Variants in CDH17 observed in about 807,000 individuals in gnomAD.
CDH17 encodes cadherin-17.
Under a neutral mutation model 86.3 loss-of-function variants are expected in CDH17, and 67 were observed. The ratio of observed to expected loss-of-function variants is 0.78; its 90% confidence interval spans 0.64 to 0.95. CDH17 has a LOEUF of 0.95. Among genes scored for constraint, CDH17 ranks in the 40% least tolerant of loss-of-function variants. CDH17 has a pLI of 0.00. For missense variants in CDH17, 993 were observed against 1,017.6 expected (o/e 0.98, Z 0.33); for synonymous variants, 367 against 366.4 (o/e 1.00, Z -0.02).
chr8:94,165,848 A>G lies in CDH17; in HGVS notation c.1195T>C (p.Tyr399His). Residue 399 changes from tyrosine to histidine, a missense_variant, in exon 10 of 18, where the codon TAT (tyrosine) becomes CAT (histidine). Coordinates refer to ENST00000027335, the MANE Select transcript of CDH17 (RefSeq NM_004063.4). ...TTAGCTAACTGTAACATTCCAGCAT[A>G]GGTTTGGATTAGGAAGAGTCCATCC... is the stretch of plus-strand genomic sequence containing the variant. ...PMDGLFLIQT[Y>H]AGMLQLAKQS... 1 of 1,613,900 alleles carries G rather than the reference A, an allele frequency of 6.2e-7. No individual in the cohort carries two copies. Among genetic ancestry groups the G allele is most frequent in the Non-Finnish European group, 8.5e-7 (1 of 1,179,834 alleles).
At chr8:94,201,704 G>A (rs7013840) in intron 1 of CDH17, among the ~76,000 whole-genome samples, 10,094 of 152,168 alleles carry the variant, frequency 0.066, 1,116 homozygotes, top group African/African-American at 0.23. Flanking sequence ...AGACCCCATG[G>A]AACTTTTGTT....
In CDH17 at chr8:94,134,546, T is replaced by G. The variant is rs573383964; in HGVS notation, c.2168-3554A>C. Among the ~76,000 whole-genome samples, 24 of 152,314 alleles carry G rather than the reference T, an allele frequency of 1.6e-4. No individual in the cohort carries two copies. In the East Asian group the frequency reaches 3.7e-3, roughly 23 times the overall value. Reference sequence around the variant, plus strand: ...ATTGCGTCTATTTGATTCTTCTCTCTTTTCTTCTTTATTAGTCTTGCTAGC... The same window carrying G: ...ATTGCGTCTATTTGATTCTTCTCTCGTTTCTTCTTTATTAGTCTTGCTAGC... On this transcript the variant is annotated intron_variant, in intron 15 of 17. Transcript: ENST00000027335.
intron 2 of CDH17, among the ~76,000 whole-genome samples, chr8:94,190,964 G>A (rs1169095904): frequency 6.6e-6 from 1 of 152,164 alleles, no homozygotes; most frequent in Admixed American, 6.5e-5. Flanking sequence ...TTTGTGGTAG[G>A]GCCTTAGATT....
chr8:94,149,951 A>G (rs1185130249), intron 13 of CDH17, among the ~76,000 whole-genome samples: 1 of 152,228 alleles, frequency 6.6e-6, no homozygotes, highest in Non-Finnish European at 1.5e-5. Flanking sequence ...TGCTACCTAA[A>G]AAAACCCAAT....
intron 3 of CDH17, 98 bp downstream of exon 3, chr8:94,189,089 C>T: frequency 1.2e-6 from 1 of 826,552 alleles, no homozygotes; most frequent in Non-Finnish European, 2.0e-6. Context: ...GAATGCCATG[C>T]CTTTATTTTA....
Position 94,189,291 on chromosome 8 carries a change from A to T in CDH17, c.52-6T>A. 1 of 1,593,372 alleles carries T rather than the reference A, an allele frequency of 6.3e-7. No individual in the cohort carries two copies. The highest frequency in any genetic ancestry group is 8.5e-7 in the Non-Finnish European group (1 of 1,171,622). On this transcript the variant is annotated splice_polypyrimidine_tract_variant and splice_region_variant and intron_variant, in intron 2 of 17. Coordinates refer to ENST00000027335, the MANE Select transcript of CDH17 (RefSeq NM_004063.4). ...TCTTGGCCATATCCAGTTGCCTGTT[A>T]AAAAAGAAAGAGAAAATTAGCATCT... is the stretch of plus-strand genomic sequence containing the variant.
intron 3 of CDH17, among the ~76,000 whole-genome samples, chr8:94,187,596 A>C (rs1586271384): frequency 6.6e-6 from 1 of 151,870 alleles, no homozygotes; most frequent in Non-Finnish European, 1.5e-5. Flanking sequence ...ACCTTTTCTC[A>C]ATGGAGTCTT....
At chr8:94,182,969 G>A (rs1003186702) in intron 3 of CDH17, among the ~76,000 whole-genome samples, 1 of 151,964 alleles carries the variant, frequency 6.6e-6, no homozygotes, top group South Asian at 2.1e-4. Context: ...TTAGCAAATA[G>A]CAACCCAAAA....
chr8:94,135,454 G>A (rs928850376), intron 15 of CDH17, among the ~76,000 whole-genome samples: 1 of 152,170 alleles, frequency 6.6e-6, no homozygotes, highest in African/African-American at 2.4e-5. Context: ...TTTAAAGTCT[G>A]TTTTATCAGA....
In CDH17 at chr8:94,128,264, A is replaced by T. The variant is rs767008208; in HGVS notation, c.2475T>A (p.Ser825=). Residue 825 remains serine, a synonymous_variant, in exon 18 of 18, where the codon TCT becomes TCA. Transcript: ENST00000027335. ...TTCAGCTTCTCAGAGGTTTGACTTCAGATGCTTGAGCACTTTCAACATTAT... is the reference window on the plus strand; with the variant it reads ...TTCAGCTTCTCAGAGGTTTGACTTCTGATGCTTGAGCACTTTCAACATTAT... ...GKDNVESAQA[S]EVKPLRS is the part of the protein sequence containing the mutation. The T allele has an allele frequency of 5.6e-6, 9 of 1,612,792 alleles. No individual in the cohort carries two copies. The East Asian group carries it at 6.7e-5, about 12-fold the overall frequency.
chr8:94,155,108 T>A (rs76028375), intron 12 of CDH17, among the ~76,000 whole-genome samples: 3 of 151,906 alleles, frequency 2.0e-5, no homozygotes, highest in Non-Finnish European at 2.9e-5. Flanking sequence ...ATATAAGAGA[T>A]AAAATCATGT....
chr8:94,148,745 T>C lies in CDH17; in HGVS notation c.1926A>G (p.Val642=). The C allele has an allele frequency of 9.2e-7, 1 of 1,091,578 alleles. No individual in the cohort carries two copies. Among genetic ancestry groups the C allele is most frequent in the Non-Finnish European group, 1.3e-6 (1 of 796,340 alleles). 67.6% of individuals were successfully genotyped at this position (1,091,578 alleles called of 1,614,324 possible). ...PYRVQVVATE[V]GGSSLSSVSE... is the part of the protein sequence containing the mutation. ...TGTTTTTTTTTTTTTTTTGCTTACC[T>C]ACTTCTGTGGCCACCACTTGTACCC... Residue 642 remains valine, a splice_region_variant and synonymous_variant, in exon 14 of 18, where the codon GTA becomes GTG. Coordinates refer to ENST00000027335, the MANE Select transcript of CDH17 (RefSeq NM_004063.4).
At chr8:94,180,517 T>C (rs142860986) in intron 3 of CDH17, among the ~76,000 whole-genome samples, 7 of 152,278 alleles carry the variant, frequency 4.6e-5, no homozygotes, top group African/African-American at 1.7e-4. Context: ...TAAAAGTGCA[T>C]AGACTCATCA....
chr8:94,166,580 A>G (rs1813162411), intron 9 of CDH17, among the ~76,000 whole-genome samples: 1 of 152,220 alleles, frequency 6.6e-6, no homozygotes, highest in South Asian at 2.1e-4. Context: ...CATTCAGCCC[A>G]TAACACCTAG....
At chr8:94,215,813 G>T (rs1814185444) in intron 1 of CDH17, among the ~76,000 whole-genome samples, 1 of 151,070 alleles carries the variant, frequency 6.6e-6, no homozygotes, top group Non-Finnish European at 1.5e-5. Context: ...TCTATTATCG[G>T]AAATGTCTTA....
chr8:94,168,241 C>T (rs181780765), intron 9 of CDH17, among the ~76,000 whole-genome samples: 1 of 143,796 alleles, frequency 7.0e-6, no homozygotes, highest in East Asian at 2.0e-4. Flanking sequence ...GCAATCTCTA[C>T]AAGCCTCTCA....
intron 17 of CDH17, among the ~76,000 whole-genome samples, chr8:94,129,531 A>T (rs1288170046): frequency 1.3e-5 from 2 of 152,186 alleles, no homozygotes; most frequent in Admixed American, 6.5e-5. Flanking sequence ...TGCTGAGAGA[A>T]CAATCAATAA....
chr8:94,202,765 G>A (rs1360007817), intron 1 of CDH17: 1 of 161,012 alleles, frequency 6.2e-6, no homozygotes, highest in Non-Finnish European at 1.3e-5. Flanking sequence ...AGTTTAAATA[G>A]CCAGGCATCA....
chr8:94,146,314 A>G (rs1002315217), intron 14 of CDH17, 147 bp from the exon 15 acceptor site: 8 of 604,810 alleles, frequency 1.3e-5, no homozygotes, highest in Non-Finnish European at 1.8e-5. Flanking sequence ...ACCTAGTTTC[A>G]TTACTGGTGA....
Sources: gnomAD v4.1 joint callset for allele counts (sites outside exome capture counted in the v4.1 genomes callset) on GRCh38, gnomAD v4.1.1 for gene constraint, MANE v1.5 for transcripts, NCBI Gene and HGNC (gene_info 2026-07-23, HGNC 2026-07-21) for gene names.